PCDH9: variants seen among roughly 807,000 people sequenced by gnomAD.
PCDH9 encodes protocadherin-9.
In PCDH9, 24 loss-of-function variants were observed where a neutral mutation model predicts 70.6. That is an observed-to-expected ratio of 0.34 (90% CI 0.25 to 0.48). PCDH9 has a LOEUF of 0.48. PCDH9 is among the 20% of genes least tolerant of loss of function. The pLI is 0.99. For missense variants in PCDH9, 1,281 were observed against 1,503.6 expected, an observed-to-expected ratio of 0.85 and a Z score of 2.45; for synonymous variants, 562 against 558.5, an observed-to-expected ratio of 1.01 and a Z score of -0.09.
intron 4 of PCDH9, among the ~76,000 whole-genome samples, chr13:66,409,564 A>T (rs406926): frequency 0.05 from 5,870 of 117,720 alleles, 350 homozygotes; most frequent in African/African-American, 0.15. Flanking sequence ...ACATCTCTTT[A>T]TCCCTAGGTG....
At chr13:66,767,073 G>A (rs1160479329) in intron 3 of PCDH9, among the ~76,000 whole-genome samples, 1 of 151,948 alleles carries the variant, frequency 6.6e-6, no homozygotes, top group Non-Finnish European at 1.5e-5. Context: ...TGACTTCTAG[G>A]TCTGATACAG....
At chr13:66,881,863 G>T (rs1056035467) in intron 3 of PCDH9, among the ~76,000 whole-genome samples, 2 of 152,098 alleles carry the variant, frequency 1.3e-5, no homozygotes, top group Non-Finnish European at 2.9e-5. Flanking sequence ...AGTGTTATAG[G>T]GAGGTAGAAC....
chr13:67,126,284 A>T (rs955713075), intron 2 of PCDH9, among the ~76,000 whole-genome samples: 1 of 152,182 alleles, frequency 6.6e-6, no homozygotes, highest in South Asian at 2.1e-4. Context: ...GTGAAACTTT[A>T]TCTCTTTAAA....
chr13:67,159,849 A>G (rs2087909283), intron 2 of PCDH9, among the ~76,000 whole-genome samples: 1 of 152,218 alleles, frequency 6.6e-6, no homozygotes. Context: ...AGAAGCAACT[A>G]AACTATGTAG....
chr13:67,175,886 G>T (rs1237033865), intron 2 of PCDH9, among the ~76,000 whole-genome samples: 1 of 151,856 alleles, frequency 6.6e-6, no homozygotes, highest in Non-Finnish European at 1.5e-5. Context: ...CATAGAGAAT[G>T]TGTCTAATAT....
intron 2 of PCDH9, chr13:66,977,499 T>G (rs1594337815): frequency 1.3e-5 from 2 of 152,136 alleles, no homozygotes; most frequent in Non-Finnish European, 2.9e-5. Flanking sequence ...AAGATTCTGT[T>G]GTCTTAAAGG....
At chr13:66,913,520 G>A (rs1225366211) in intron 2 of PCDH9, among the ~76,000 whole-genome samples, 2 of 151,910 alleles carry the variant, frequency 1.3e-5, no homozygotes, top group Non-Finnish European at 2.9e-5. Flanking sequence ...GGGGTGTTGG[G>A]CTTGAACCTC....
At chr13:67,085,320 G>C (rs1349839377) in intron 2 of PCDH9, among the ~76,000 whole-genome samples, 1 of 151,020 alleles carries the variant, frequency 6.6e-6, no homozygotes, top group Non-Finnish European at 1.5e-5. Flanking sequence ...TGTCCTTAAA[G>C]AAAGATTATC....
chr13:67,038,660 C>T (rs2085053988), intron 2 of PCDH9, among the ~76,000 whole-genome samples: 1 of 152,210 alleles, frequency 6.6e-6, no homozygotes, highest in African/African-American at 2.4e-5. Flanking sequence ...AGATAATCCA[C>T]TCTTCTTCAT....
chr13:67,090,389 A>C (rs891710759), intron 2 of PCDH9, among the ~76,000 whole-genome samples: 1 of 152,000 alleles, frequency 6.6e-6, no homozygotes, highest in African/African-American at 2.4e-5. Flanking sequence ...GTAAAATTTT[A>C]TTACCGAATA....
At chr13:66,376,202 A>ACTG (rs1013532022) in intron 4 of PCDH9, among the ~76,000 whole-genome samples, 3 of 152,070 alleles carry the variant, frequency 2.0e-5, no homozygotes, top group African/African-American at 7.2e-5. Flanking sequence ...GGGTCACTAA[A>ACTG]CTGTCACCTT....
chr13:66,998,824 G>A (rs997763428), intron 2 of PCDH9, among the ~76,000 whole-genome samples: 46 of 152,014 alleles, frequency 3.0e-4, no homozygotes, highest in African/African-American at 1.1e-3. Flanking sequence ...ATTCCTTGTT[G>A]TTCTTCAATT....
intron 3 of PCDH9, among the ~76,000 whole-genome samples, chr13:66,829,717 CAAAAA>C (rs562176354): frequency 7.7e-4 from 41 of 53,128 alleles, no homozygotes; most frequent in East Asian, 2.6e-3. Context: ...GACTCCGTCT[CAAAAA>C]AAAAAAAAAA....
chr13:66,824,867 A>G (rs1469216934), intron 3 of PCDH9, among the ~76,000 whole-genome samples: 1 of 151,568 alleles, frequency 6.6e-6, no homozygotes, highest in Non-Finnish European at 1.5e-5. Context: ...AAAGTCTTAA[A>G]TCTGTCTAAA....
At chr13:67,073,512 T>C (rs980171348) in intron 2 of PCDH9, among the ~76,000 whole-genome samples, 1 of 152,088 alleles carries the variant, frequency 6.6e-6, no homozygotes, top group Non-Finnish European at 1.5e-5. Context: ...AAAAAAAATG[T>C]GTGAATCATT....
intron 4 of PCDH9, among the ~76,000 whole-genome samples, chr13:66,375,104 T>G (rs974593412): frequency 6.6e-6 from 1 of 152,100 alleles, no homozygotes; most frequent in African/African-American, 2.4e-5. Context: ...TACTAAACGA[T>G]AACATAAATT....
At chr13:67,183,284 A>C (rs1226778013) in intron 2 of PCDH9, among the ~76,000 whole-genome samples, 3 of 152,112 alleles carry the variant, frequency 2.0e-5, no homozygotes, top group African/African-American at 4.8e-5. Context: ...AAGAAAAAAA[A>C]CACAAAACTA....
rs116247396 is a variant in PCDH9, at chr13:66,969,159, C to T, written c.3037-65554G>A. 5.7e-3 allele frequency among the ~76,000 whole-genome samples: 868 copies of T among 152,078 alleles called. 7 individuals carry two copies. The highest frequency in any genetic ancestry group is 0.015 in the African/African-American group (632 of 41,518). ...AAATGAATTTTATTCGGTACTCTCG[C>T]TACTGTGAATACCGCTTAGTGATTT... On this transcript the variant is annotated intron_variant, in intron 2 of 4. Transcript: ENST00000377865.
At chr13:66,472,093 T>C (rs1958629480) in intron 4 of PCDH9, among the ~76,000 whole-genome samples, 1 of 150,330 alleles carries the variant, frequency 6.7e-6, no homozygotes, top group Non-Finnish European at 1.5e-5. Flanking sequence ...GCACCTATAA[T>C]CCCAGCTTTT....
Sources: gnomAD v4.1 joint callset for allele counts (sites outside exome capture counted in the v4.1 genomes callset) on GRCh38, gnomAD v4.1.1 for gene constraint, MANE v1.5 for transcripts, NCBI Gene and HGNC (gene_info 2026-07-23, HGNC 2026-07-21) for gene names.